Variants in FRMD4A observed in about 807,000 individuals in gnomAD.
The protein encoded by FRMD4A is FERM domain containing 4A, also known as FERM domain-containing protein 4A.
FRMD4A carries 29 observed loss-of-function variants against 129.1 expected under a neutral mutation model. The observed-to-expected ratio is 0.22, with a 90% CI of 0.17 to 0.31. The LOEUF is 0.31. FRMD4A is among the 10% of genes least tolerant of loss of function. The probability of loss-of-function intolerance (pLI) is 1.00; values close to 1 mark genes in which losing one functional copy is unlikely to be tolerated. For synonymous variants in FRMD4A, 634 were observed against 571.6 expected (o/e 1.11, Z -1.56); for missense variants, 1,272 against 1,375.8 (o/e 0.92, Z 1.19).
intron 23 of FRMD4A, 92 bp downstream of exon 23, chr10:13,654,324 C>A: frequency 1.2e-6 from 1 of 863,676 alleles, no homozygotes; most frequent in Non-Finnish European, 2.0e-6. Flanking sequence ...CCTCATCATC[C>A]ATTTACTGAC....
chr10:13,658,515 G>A (rs1401720258), intron 21 of FRMD4A, among the ~76,000 whole-genome samples: 3 of 152,196 alleles, frequency 2.0e-5, no homozygotes, highest in African/African-American at 4.8e-5. Flanking sequence ...TCCCACTTCC[G>A]ACTGCCACTC....
intron 2 of FRMD4A, among the ~76,000 whole-genome samples, chr10:14,039,368 GTCCATCCA>G (rs61121735): frequency 1.5e-4 from 16 of 109,438 alleles, no homozygotes; most frequent in African/African-American, 3.6e-4. Context: ...CTGTCCGTCC[GTCCATCCA>G]TCCATCCATC....
intron 24 of FRMD4A, chr10:13,651,677 C>T: frequency 1.8e-6 from 1 of 543,572 alleles, no homozygotes; most frequent in East Asian, 3.2e-5. Flanking sequence ...TGTCTCAAAA[C>T]AAAACATACT....
At chr10:13,733,465 C>T (rs906059664) in intron 12 of FRMD4A, among the ~76,000 whole-genome samples, 4 of 151,938 alleles carry the variant, frequency 2.6e-5, no homozygotes, top group Admixed American at 6.6e-5. Flanking sequence ...GATGGAGTCT[C>T]GCTCTGGAGT....
chr10:14,035,714 CTA>C (rs1833467244), intron 2 of FRMD4A, among the ~76,000 whole-genome samples: 1 of 152,138 alleles, frequency 6.6e-6, no homozygotes, highest in Admixed American at 6.5e-5. Flanking sequence ...ATTTTTATCT[CTA>C]GTTTTTAATC....
chr10:13,843,627 G>A (rs3858173), intron 3 of FRMD4A, among the ~76,000 whole-genome samples: 46,716 of 151,948 alleles, frequency 0.31, 7,676 homozygotes, highest in Middle Eastern at 0.41. Flanking sequence ...CCTCCTGAGT[G>A]GCTGGAATTA....
intron 2 of FRMD4A, among the ~76,000 whole-genome samples, chr10:14,136,020 G>A (rs1839517805): frequency 6.6e-6 from 1 of 152,144 alleles, no homozygotes; most frequent in Non-Finnish European, 1.5e-5. Context: ...CTGACTCTCT[G>A]GCTGCCATGT....
At chr10:14,239,252 G>T (rs1843942706) in intron 2 of FRMD4A, among the ~76,000 whole-genome samples, 1 of 152,168 alleles carries the variant, frequency 6.6e-6, no homozygotes, top group Non-Finnish European at 1.5e-5. Context: ...TAGACTCATG[G>T]ATCTCCTTAA....
At chr10:13,937,357 A>G (rs916601325) in intron 2 of FRMD4A, among the ~76,000 whole-genome samples, 1 of 152,232 alleles carries the variant, frequency 6.6e-6, no homozygotes, top group Non-Finnish European at 1.5e-5. Context: ...CAGATGAACT[A>G]AAAAACAACT....
At chr10:14,046,700 C>T (rs956287008) in intron 2 of FRMD4A, among the ~76,000 whole-genome samples, 11 of 152,136 alleles carry the variant, frequency 7.2e-5, no homozygotes, top group Admixed American at 2.0e-4. Context: ...AAACCCCTGA[C>T]GTGATGGTGC....
chr10:14,233,195 A>G (rs1283186595), intron 2 of FRMD4A, among the ~76,000 whole-genome samples: 8 of 152,178 alleles, frequency 5.3e-5, no homozygotes, highest in Admixed American at 5.2e-4. Context: ...ATATGATATA[A>G]TTAGTTATTC....
At chr10:14,148,181 C>T (rs1840170927) in intron 2 of FRMD4A, among the ~76,000 whole-genome samples, 3 of 152,186 alleles carry the variant, frequency 2.0e-5, no homozygotes, top group South Asian at 4.1e-4. Flanking sequence ...TCCACCCCCT[C>T]TTACTATTCT....
At position 13,986,017 on chromosome 10, in the gene FRMD4A, G is replaced by A. The variant is rs2095579869; in HGVS notation, c.46-127105C>T. Among the ~76,000 whole-genome samples, 7 of 152,146 alleles carry A rather than the reference G, an allele frequency of 4.6e-5. No homozygotes were observed. The South Asian group carries it at 1.5e-3, about 32-fold the overall frequency. On this transcript the variant is annotated intron_variant, in intron 2 of 24. Coordinates refer to ENST00000357447, the MANE Select transcript of FRMD4A (RefSeq NM_018027.5). ...ACCCGTGGCTTTGGTCATCTCTTTT[G>A]TCTAGAACTGAGAGTTTCTAGGGGC...
chr10:13,749,679 A>AT (rs2091471650), intron 8 of FRMD4A, among the ~76,000 whole-genome samples: 1 of 152,010 alleles, frequency 6.6e-6, no homozygotes, highest in African/African-American at 2.4e-5. Context: ...CAGAAAAAGC[A>AT]TTTTTCTGTT....
chr10:14,267,776 A>C (rs1845027709), intron 2 of FRMD4A, among the ~76,000 whole-genome samples: 1 of 152,218 alleles, frequency 6.6e-6, no homozygotes, highest in Non-Finnish European at 1.5e-5. Flanking sequence ...GGTGTCCTGG[A>C]GAATATCACT....
At chr10:13,781,349 C>T (rs1470399914) in intron 6 of FRMD4A, among the ~76,000 whole-genome samples, 15 of 138,842 alleles carry the variant, frequency 1.1e-4, no homozygotes, top group East Asian at 4.2e-4. Context: ...TTCTGATACA[C>T]GCTACAACAT....
In FRMD4A at chr10:13,821,321, G is replaced by A. The variant is rs1339363904; in HGVS notation, c.112-10413C>T. Among the ~76,000 whole-genome samples the A allele has an allele frequency of 6.6e-6, 1 of 152,166 alleles. No individual in the cohort carries two copies. The highest frequency in any genetic ancestry group is 1.5e-5 in the Non-Finnish European group (1 of 68,008). Reference sequence around the variant, plus strand: ...GAGGCTACTTCCTGTAGGCAGACGGGTGTGAAGAACAATGGAGTTGCACTG... The same window carrying A: ...GAGGCTACTTCCTGTAGGCAGACGGATGTGAAGAACAATGGAGTTGCACTG... On this transcript the variant is annotated intron_variant, in intron 3 of 24. Coordinates refer to ENST00000357447, the MANE Select transcript of FRMD4A (RefSeq NM_018027.5). The surrounding 1 kb of genome is among the most constrained non-coding windows in gnomAD (Gnocchi z 4.3).
intron 2 of FRMD4A, among the ~76,000 whole-genome samples, chr10:14,089,165 G>T (rs892892894): frequency 2.0e-5 from 3 of 152,148 alleles, no homozygotes; most frequent in African/African-American, 7.2e-5. Context: ...GAAGTCCATT[G>T]ACTTTCCCAG....
At chr10:13,873,357 AC>A (rs1448811561) in intron 2 of FRMD4A, among the ~76,000 whole-genome samples, 2 of 152,058 alleles carry the variant, frequency 1.3e-5, no homozygotes, top group Non-Finnish European at 1.5e-5. Flanking sequence ...AATTTTGATC[AC>A]ATGATAAAAT....
Sources: gnomAD v4.1 joint callset for allele counts (sites outside exome capture counted in the v4.1 genomes callset) on GRCh38, gnomAD v4.1.1 for gene constraint, Gnocchi (gnomAD v3.1) non-coding constraint, MANE v1.5 for transcripts, NCBI Gene and HGNC (gene_info 2026-07-23, HGNC 2026-07-21) for gene names.